DHRSX: variants seen among roughly 807,000 people sequenced by gnomAD.
The protein encoded by DHRSX is polyprenol dehydrogenase.
Under a neutral mutation model 34.0 loss-of-function variants are expected in DHRSX, and 31 were observed. The observed-to-expected ratio is 0.91, with a 90% CI of 0.69 to 1.23. The LOEUF is 1.23. DHRSX is among the 50% of genes most tolerant of loss of function. DHRSX has a pLI of 0.00. For missense variants in DHRSX, 414 were observed against 428.1 expected, an observed-to-expected ratio of 0.97 and a Z score of 0.29; for synonymous variants, 201 against 183.8, an observed-to-expected ratio of 1.09 and a Z score of -0.76.
At chrX:2,476,835 T>G (rs2044687760) in intron 1 of DHRSX, among the ~76,000 whole-genome samples, 1 of 152,034 alleles carries the variant, frequency 6.6e-6, no homozygotes, top group Admixed American at 6.6e-5. Context: ...AAAACCCGTC[T>G]CTACTAAAAA....
At chrX:2,283,319 C>A (rs1348374394) in intron 4 of DHRSX, among the ~76,000 whole-genome samples, 6 of 151,926 alleles carry the variant, frequency 3.9e-5, no homozygotes, top group Non-Finnish European at 5.9e-5. Context: ...AAGGCGCCAT[C>A]GGGAGAGGCA....
At chrX:2,321,519 G>A (rs1013786101) in intron 3 of DHRSX, among the ~76,000 whole-genome samples, 1 of 152,068 alleles carries the variant, frequency 6.6e-6, no homozygotes, top group Non-Finnish European at 1.5e-5. Context: ...GGATCCTTAT[G>A]TTGGGATTCG....
At chrX:2,288,364 T>C (rs966172895) in intron 4 of DHRSX, among the ~76,000 whole-genome samples, 5 of 152,140 alleles carry the variant, frequency 3.3e-5, no homozygotes, top group African/African-American at 1.2e-4. Context: ...GCCTCCCGAG[T>C]AGCTGGGATT....
chrX:2,266,870 A>G lies in DHRSX; in HGVS notation c.466T>C (p.Phe156Leu). The change falls in exon 5 of 7, where the codon TTC becomes CTC. Residue 156 changes from phenylalanine (F) to leucine (L), a missense_variant. Physicochemically the swap from Phe to Leu is conservative, Grantham distance 22 (BLOSUM62 0). Transcript: ENST00000334651. ...EHFGLNYLGH[F>L]LLTNLLLDTL... is the part of the protein sequence containing the mutation. ...TCCAAGAGAAGGTTGGTCAGCAGGA[A>G]GTGCCCTAGGTAGTTCAGGCCGAAA... 3 of 1,613,956 alleles carry G rather than the reference A, an allele frequency of 1.9e-6. No individual in the cohort carries two copies. Among genetic ancestry groups the G allele is most frequent in the Non-Finnish European group, 1.7e-6 (2 of 1,179,860 alleles).
At chrX:2,273,896 G>A (rs1198175601) in intron 4 of DHRSX, among the ~76,000 whole-genome samples, 4 of 152,316 alleles carry the variant, frequency 2.6e-5, no homozygotes, top group Middle Eastern at 3.4e-3. Flanking sequence ...AATCCGAGCC[G>A]TGCTAGGGAC....
intron 6 of DHRSX, among the ~76,000 whole-genome samples, chrX:2,232,778 T>C: frequency 6.6e-6 from 1 of 151,940 alleles, no homozygotes; most frequent in East Asian, 1.9e-4. Flanking sequence ...TTCACCATGT[T>C]GGCCAGGCTG....
At chrX:2,373,337 C>G (rs1025356511) in intron 3 of DHRSX, among the ~76,000 whole-genome samples, 2 of 152,156 alleles carry the variant, frequency 1.3e-5, no homozygotes, top group African/African-American at 4.8e-5. Flanking sequence ...CCAGAATCCT[C>G]ACACTCTTTT....
chrX:2,238,056 A>G (rs989183837), intron 6 of DHRSX, among the ~76,000 whole-genome samples: 1 of 152,138 alleles, frequency 6.6e-6, no homozygotes, highest in Non-Finnish European at 1.5e-5. Flanking sequence ...ATTTGTATAC[A>G]GGACAAATCA....
At chrX:2,232,490 G>C (rs1334771095) in intron 6 of DHRSX, among the ~76,000 whole-genome samples, 1 of 152,104 alleles carries the variant, frequency 6.6e-6, no homozygotes, top group Non-Finnish European at 1.5e-5. Flanking sequence ...GCACTCAAGA[G>C]AATGGGCCAG....
intron 1 of DHRSX, among the ~76,000 whole-genome samples, chrX:2,496,474 T>C (rs1407534420): frequency 2.6e-5 from 4 of 152,074 alleles, no homozygotes; most frequent in African/African-American, 4.8e-5. Flanking sequence ...GCTGGGATTA[T>C]AGGCATGAGC....
intron 2 of DHRSX, among the ~76,000 whole-genome samples, chrX:2,417,965 T>C (rs2043717463): frequency 6.6e-6 from 1 of 150,618 alleles, no homozygotes; most frequent in South Asian, 2.1e-4. Flanking sequence ...CATGACTTAA[T>C]ACAAATAGAC....
chrX:2,378,817 C>G (rs1311188889), intron 3 of DHRSX, among the ~76,000 whole-genome samples: 1 of 151,912 alleles, frequency 6.6e-6, no homozygotes, highest in Admixed American at 6.6e-5. Context: ...ATTGCAGGTG[C>G]GCACCACCAC....
intron 3 of DHRSX, among the ~76,000 whole-genome samples, chrX:2,402,498 C>A (rs1334476803): frequency 6.6e-6 from 1 of 152,200 alleles, no homozygotes; most frequent in East Asian, 1.9e-4. Context: ...GCAGACCCTG[C>A]CGTGTGGCTG....
rs766830710 is a variant in DHRSX, at chrX:2,313,778, C to T, written c.287-22175G>A. Among the ~76,000 whole-genome samples, 14 of 152,102 alleles carry T rather than the reference C, an allele frequency of 9.2e-5. No homozygotes were observed. The East Asian group carries it at 1.5e-3, about 17-fold the overall frequency. On this transcript the variant is annotated intron_variant, in intron 3 of 6. Transcript: ENST00000334651. ...CCGTGACACAGCCCTCAGGAGATCC[C>T]GAGAACATGTACCCCAGGTGGTCGG...
chrX:2,363,500 T>C (rs1256592313), intron 3 of DHRSX, among the ~76,000 whole-genome samples: 1 of 148,504 alleles, frequency 6.7e-6, no homozygotes, highest in Non-Finnish European at 1.5e-5. Flanking sequence ...ATCACCGTTC[T>C]ATGGTATCAT....
chrX:2,396,799 T>C (rs1184732072), intron 3 of DHRSX, among the ~76,000 whole-genome samples: 4 of 149,358 alleles, frequency 2.7e-5, no homozygotes, highest in Non-Finnish European at 5.9e-5. Context: ...AGTTTCACTC[T>C]TGTTGCCCAG....
chrX:2,302,612 A>T lies in DHRSX; in HGVS notation c.287-11009T>A, dbSNP rs866800565. 1.4e-4 allele frequency among the ~76,000 whole-genome samples: 21 copies of T among 149,982 alleles called. No individual in the cohort carries two copies. The South Asian group carries it at 2.3e-3, about 17-fold the overall frequency. On this transcript the variant is annotated intron_variant, in intron 3 of 6. Coordinates refer to ENST00000334651, the MANE Select transcript of DHRSX (RefSeq NM_145177.3). ...GGGTGACAGAGCCAGACTGTCTCAA[A>T]AAATAAATAAATAAATAAATAAAGT...
chrX:2,266,202 G>T (rs1455151039), intron 5 of DHRSX, among the ~76,000 whole-genome samples: 5 of 124,356 alleles, frequency 4.0e-5, no homozygotes, highest in African/African-American at 1.6e-4. Flanking sequence ...ACCAGTGCTT[G>T]GCAGACGCAG....
intron 3 of DHRSX, among the ~76,000 whole-genome samples, chrX:2,323,432 C>G (rs1446363210): frequency 3.3e-5 from 5 of 151,986 alleles, no homozygotes; most frequent in Admixed American, 6.6e-5. Flanking sequence ...CAAGACAGGC[C>G]AAGGCAGAAA....
Sources: gnomAD v4.1 joint callset for allele counts (sites outside exome capture counted in the v4.1 genomes callset) on GRCh38, gnomAD v4.1.1 for gene constraint, MANE v1.5 for transcripts, NCBI Gene and HGNC (gene_info 2026-07-23, HGNC 2026-07-21) for gene names.